Variants in TAF2 observed in about 807,000 individuals in gnomAD.
The protein encoded by TAF2 is TATA-box binding protein associated factor 2.
TAF2 carries 61 observed loss-of-function variants against 138.5 expected under a neutral mutation model. The observed-to-expected ratio is 0.44, with a 90% confidence interval of 0.36 to 0.54. TAF2 has a LOEUF of 0.54. Among genes scored for constraint, TAF2 ranks in the 20% least tolerant of loss-of-function variants. The pLI is 0.00. For missense variants in TAF2, 1,090 were observed against 1,427.9 expected, an observed-to-expected ratio of 0.76 and a Z score of 3.81; for synonymous variants, 475 against 469.9, an observed-to-expected ratio of 1.01 and a Z score of -0.14.
intron 6 of TAF2, 116 bp downstream of exon 6, chr8:119,801,678 T>C (rs1824274609): frequency 3.2e-6 from 3 of 945,748 alleles, no homozygotes; most frequent in Non-Finnish European, 5.1e-6. Context: ...TCCGCCCACC[T>C]TGGCCTCCCA....
intron 23 of TAF2, among the ~76,000 whole-genome samples, chr8:119,746,347 T>TG (rs1819965021): frequency 9.0e-6 from 1 of 111,106 alleles, no homozygotes; most frequent in African/African-American, 3.6e-5. Flanking sequence ...CACTCCAGCC[T>TG]GGGGAACAAG....
intron 3 of TAF2, 38 bp downstream of exon 3, chr8:119,819,308 A>C: frequency 1.3e-6 from 2 of 1,599,116 alleles, no homozygotes; most frequent in Non-Finnish European, 1.7e-6. Flanking sequence ...TTTTTTCAAA[A>C]CTGTTAAAAA....
At chr8:119,776,605 C>T (rs1197338320) in intron 18 of TAF2, among the ~76,000 whole-genome samples, 1 of 150,674 alleles carries the variant, frequency 6.6e-6, no homozygotes, top group Non-Finnish European at 1.5e-5. Context: ...AGGAGAATGG[C>T]GTAAACCAGG....
chr8:119,770,784 T>TATAG (rs1377389382), intron 18 of TAF2, among the ~76,000 whole-genome samples: 1 of 152,068 alleles, frequency 6.6e-6, no homozygotes, highest in African/African-American at 2.4e-5. Flanking sequence ...ACTTAAAATA[T>TATAG]ATAGAGTGGC....
intron 22 of TAF2, among the ~76,000 whole-genome samples, chr8:119,749,041 T>C (rs568427927): frequency 3.9e-5 from 6 of 152,322 alleles, no homozygotes; most frequent in Admixed American, 3.3e-4. Context: ...GCCTGAACTT[T>C]TGTATGCTGT....
intron 22 of TAF2, among the ~76,000 whole-genome samples, chr8:119,751,323 A>G (rs924373634): frequency 4.6e-5 from 7 of 152,200 alleles, no homozygotes; most frequent in Non-Finnish European, 1.0e-4. Flanking sequence ...AGAGCATAAA[A>G]TCTAAATTCC....
chr8:119,770,922 T>G (rs967214251), intron 18 of TAF2, among the ~76,000 whole-genome samples: 3 of 151,956 alleles, frequency 2.0e-5, no homozygotes, highest in African/African-American at 7.3e-5. Flanking sequence ...ATACAAAAAA[T>G]TAGCTGGGCC....
At chr8:119,791,608 C>A (rs2131171350) in intron 10 of TAF2, 149 bp from the exon 11 acceptor site, 1 of 856,424 alleles carries the variant, frequency 1.2e-6, no homozygotes, top group Non-Finnish European at 1.7e-6. Context: ...TAAAAATAAA[C>A]TTAACTAGAA....
chr8:119,806,221 T>C, intron 4 of TAF2, 62 bp downstream of exon 4: 1 of 1,378,204 alleles, frequency 7.3e-7, no homozygotes. Context: ...TCATGTAAAA[T>C]TCTCTAGTGT....
At chr8:119,824,136 A>G (rs369595995) in intron 2 of TAF2, among the ~76,000 whole-genome samples, 14 of 152,162 alleles carry the variant, frequency 9.2e-5, no homozygotes, top group Admixed American at 6.5e-4. Context: ...ACAATGATAG[A>G]AAAGAAAATC....
intron 6 of TAF2, among the ~76,000 whole-genome samples, chr8:119,801,106 G>C (rs1477751322): frequency 6.6e-6 from 1 of 152,110 alleles, no homozygotes; most frequent in Non-Finnish European, 1.5e-5. Flanking sequence ...AATAAATCTT[G>C]CTCTTTAATT....
chr8:119,801,988 A>C lies in TAF2; in HGVS notation c.598T>G (p.Cys200Gly). 1 of 1,614,134 alleles carries C rather than the reference A, an allele frequency of 6.2e-7. No homozygotes were observed. Among genetic ancestry groups the C allele is most frequent in the Non-Finnish European group, 8.5e-7 (1 of 1,180,004 alleles). Residue 200 changes from cysteine (C) to glycine (G), a missense_variant, in exon 6 of 26, where the codon TGT (cysteine) becomes GGT (glycine). By Grantham distance (159) the Cys-to-Gly change is radical. Around this residue, in one of 3 missense-constraint regions of TAF2, gnomAD observed 504 missense variants for 680.9 expected, o/e 0.74. Transcript: ENST00000378164. ...ACTGTAAATTCTAATTTCCATGTAC[A>C]CAATTCAGAGTATGAATCAACACAA... ...FPCVDSYSEL[C>G]TWKLEFTVDA... is the part of the protein sequence containing the mutation.
chr8:119,803,976 C>T lies in TAF2; in HGVS notation c.462G>A (p.Gln154=), dbSNP rs1824441697. The T allele has an allele frequency of 6.2e-7, 1 of 1,613,910 alleles. No homozygotes were observed. Among genetic ancestry groups the T allele is most frequent in the South Asian group, 1.1e-5 (1 of 91,076 alleles). ...CCACAAAATGAAGACCTCCTTTGGG[C>T]TGATCCAAAGAAAAATTGATGTGTA... ...LKIHINFSLD[Q]PKGGLHFVVP... Residue 154 remains glutamine (Q), a synonymous_variant, in exon 5 of 26, where the codon CAG becomes CAA. Coordinates refer to ENST00000378164, the MANE Select transcript of TAF2 (RefSeq NM_003184.4).
intron 3 of TAF2, among the ~76,000 whole-genome samples, chr8:119,809,957 T>TA (rs1824924833): frequency 7.7e-6 from 1 of 129,494 alleles, no homozygotes; most frequent in Non-Finnish European, 1.6e-5. Context: ...ATGGCACTGA[T>TA]AAACTTTCTT....
At chr8:119,762,886 G>A in intron 18 of TAF2, 2 of 250,420 alleles carry the variant, frequency 8.0e-6, no homozygotes, top group Non-Finnish European at 1.5e-5. Context: ...AGGAGTTCTA[G>A]CCAGAGAAAC....
At chr8:119,815,588 A>G (rs959049140) in intron 3 of TAF2, among the ~76,000 whole-genome samples, 6 of 149,086 alleles carry the variant, frequency 4.0e-5, no homozygotes, top group African/African-American at 1.2e-4. Context: ...ACTTGGTCTT[A>G]AAAAAAAAAG....
At chr8:119,825,664 G>A (rs1467707938) in intron 2 of TAF2, among the ~76,000 whole-genome samples, 2 of 152,004 alleles carry the variant, frequency 1.3e-5, no homozygotes, top group Non-Finnish European at 2.9e-5. Flanking sequence ...ATAGTCTCAC[G>A]AGACCTGACG....
At chr8:119,813,778 TAAAGA>T (rs990851088) in intron 3 of TAF2, among the ~76,000 whole-genome samples, 6 of 152,124 alleles carry the variant, frequency 3.9e-5, no homozygotes, top group Non-Finnish European at 7.4e-5. Flanking sequence ...CTCAATGTAA[TAAAGA>T]ACTTTCCAGC....
At chr8:119,803,827 A>T (rs1824432834) in intron 5 of TAF2, 51 bp downstream of exon 5, 1 of 1,538,306 alleles carries the variant, frequency 6.5e-7, no homozygotes, top group African/African-American at 1.4e-5. Context: ...GCTTATACAT[A>T]AAAAATGCAA....
Sources: gnomAD v4.1 joint callset for allele counts (sites outside exome capture counted in the v4.1 genomes callset) on GRCh38, gnomAD v4.1.1 for gene constraint, gnomAD v4.1.1 regional missense constraint, MANE v1.5 for transcripts, NCBI Gene and HGNC (gene_info 2026-07-23, HGNC 2026-07-21) for gene names.